The following TMEM161B variants were observed in gnomAD, a reference collection of about 807,000 sequenced individuals.
TMEM161B encodes transmembrane protein 161B.
A neutral mutation model predicts 61.8 loss-of-function variants in TMEM161B; 34 were observed. The ratio of observed to expected loss-of-function variants is 0.55; its 90% CI spans 0.42 to 0.73. The LOEUF is 0.73. Among genes scored for constraint, TMEM161B ranks in the 30% least tolerant of loss-of-function variants. TMEM161B has a pLI of 0.00. For missense variants in TMEM161B, 456 were observed against 558.5 expected, an observed-to-expected ratio of 0.82 and a Z score of 1.85; for synonymous variants, 167 against 192.8, an observed-to-expected ratio of 0.87 and a Z score of 1.11.
intron 1 of TMEM161B, among the ~76,000 whole-genome samples, chr5:88,244,699 A>G (rs902148731): frequency 6.7e-6 from 1 of 150,136 alleles, no homozygotes; most frequent in Non-Finnish European, 1.5e-5. Flanking sequence ...CAGTTTTGAT[A>G]GGAATAGCAC....
chr5:88,233,445 T>A (rs988845448), intron 2 of TMEM161B, among the ~76,000 whole-genome samples: 1 of 152,044 alleles, frequency 6.6e-6, no homozygotes, highest in African/African-American at 2.4e-5. Flanking sequence ...TAAAAGGCAA[T>A]GAGGCAAGAG....
chr5:88,268,823 GAA>G lies in TMEM161B; in HGVS notation c.-102_-101del, dbSNP rs962272595. 11 of 1,584,802 alleles carry G rather than the reference GAA, an allele frequency of 6.9e-6. No homozygotes were observed. In the African/African-American group the frequency reaches 1.1e-4, roughly 16 times the overall value. On this transcript the variant is annotated 5_prime_UTR_variant, in exon 1 of 12. Coordinates refer to ENST00000296595, the MANE Select transcript of TMEM161B (RefSeq NM_153354.5). ...TTGAGCCGAGAGACTCTCAAACAGCGAAAGAGAGGGTCTTCCGGCTCTGCCGG... is the reference window on the plus strand; with the variant it reads ...TTGAGCCGAGAGACTCTCAAACAGCGAGAGAGGGTCTTCCGGCTCTGCCGG...
At position 88,237,777 on chromosome 5, in the gene TMEM161B, A is replaced by G. The variant is rs146044242; in HGVS notation, c.107+3036T>C. Among the ~76,000 whole-genome samples the G allele has an allele frequency of 5.5e-4, 84 of 152,260 alleles. No individual in the cohort carries two copies. In the East Asian group the frequency reaches 0.01, roughly 19 times the overall value. On this transcript the variant is annotated intron_variant, in intron 2 of 11. Coordinates refer to ENST00000296595, the MANE Select transcript of TMEM161B (RefSeq NM_153354.5). ...GTCTAAAAAAAATACTAATAGCAAT[A>G]TGTGTTATTTAACAAGAGCTACAAA...
At chr5:88,189,789 G>A in exon 13 of TMEM161B, 1 of 393,722 alleles carries the variant, frequency 2.5e-6, no homozygotes, top group Non-Finnish European at 4.7e-6. Context: ...TGCTCTTTTA[G>A]AAGGGGTACA....
intron 6 of TMEM161B, among the ~76,000 whole-genome samples, chr5:88,206,746 C>T (rs1366169652): frequency 6.6e-6 from 1 of 151,892 alleles, no homozygotes; most frequent in Non-Finnish European, 1.5e-5. Flanking sequence ...TGCATTAATT[C>T]TTCAACTATA....
chr5:88,230,610 C>T (rs920754857), intron 2 of TMEM161B, among the ~76,000 whole-genome samples: 13 of 152,148 alleles, frequency 8.5e-5, no homozygotes, highest in African/African-American at 1.9e-4. Context: ...GACTAAGTGA[C>T]ATTTTCTTCC....
At chr5:88,200,672 G>A (rs1341247233) in intron 9 of TMEM161B, 1 of 152,070 alleles carries the variant, frequency 6.6e-6, no homozygotes, top group Non-Finnish European at 1.5e-5. Flanking sequence ...TGATCTGATA[G>A]AGTATCTCAA....
At chr5:88,216,634 C>T (rs535635291) in intron 5 of TMEM161B, among the ~76,000 whole-genome samples, 41 of 152,186 alleles carry the variant, frequency 2.7e-4, no homozygotes, top group African/African-American at 8.7e-4. Context: ...TAAATCAATC[C>T]AAAAGAGGCA....
chr5:88,192,980 A>G (rs1749112471), downstream of TMEM161B, among the ~76,000 whole-genome samples: 1 of 152,184 alleles, frequency 6.6e-6, no homozygotes, highest in Non-Finnish European at 1.5e-5. Flanking sequence ...CTTCTGAATC[A>G]TAACTGAGGA....
chr5:88,190,302 G>A (rs1240922044), downstream of TMEM161B: 1 of 699,468 alleles, frequency 1.4e-6, no homozygotes, highest in South Asian at 1.5e-5. Context: ...TTTTGGCAAA[G>A]GCTGACAAAT....
intron 5 of TMEM161B, among the ~76,000 whole-genome samples, chr5:88,208,186 C>T (rs996522239): frequency 6.6e-6 from 1 of 152,092 alleles, no homozygotes; most frequent in East Asian, 1.9e-4. Context: ...CCCGTCTCTA[C>T]TTAAAATACA....
chr5:88,234,581 G>A (rs1262919281), intron 2 of TMEM161B, among the ~76,000 whole-genome samples: 1 of 152,126 alleles, frequency 6.6e-6, no homozygotes, highest in Non-Finnish European at 1.5e-5. Context: ...TTGGTATTAA[G>A]TGGTATGTCT....
In TMEM161B at chr5:88,195,949, T is replaced by A; in HGVS notation, c.*262A>T. 1 of 1,203,038 alleles carries A rather than the reference T, an allele frequency of 8.3e-7. No homozygotes were observed. The highest frequency in any genetic ancestry group is 1.0e-6 in the Non-Finnish European group (1 of 966,082). The allele number at this position is 1,203,038 out of a possible 1,614,324, so 74.5% of individuals were successfully genotyped here. A position where few individuals can be genotyped will look rare whatever the true frequency, so the allele number is the denominator to read the frequency against. On this transcript the variant is annotated 3_prime_UTR_variant, in exon 12 of 12. Coordinates refer to ENST00000296595, the MANE Select transcript of TMEM161B (RefSeq NM_153354.5). ...AGGGTAATCAGAAATATTACCCTTG[T>A]AGATAGCCCTCTCATACCAGTAAAT...
rs542218839 is a variant in TMEM161B at position 88,219,029 on chromosome 5, G to A, written c.446+1534C>T. On this transcript the variant is annotated intron_variant, in intron 5 of 11. Coordinates refer to ENST00000296595, the MANE Select transcript of TMEM161B (RefSeq NM_153354.5). ...AGAAGATGACAATCAGTGATACCAG[G>A]GGCATAGGTGCACATCAGGTGGGAA... Among the ~76,000 whole-genome samples the A allele has an allele frequency of 1.6e-4, 25 of 152,196 alleles. No homozygotes were observed. In the South Asian group the frequency reaches 5.0e-3, roughly 30 times the overall value.
chr5:88,209,212 C>T (rs1482088467), intron 5 of TMEM161B, among the ~76,000 whole-genome samples: 2 of 152,070 alleles, frequency 1.3e-5, no homozygotes, highest in Non-Finnish European at 2.9e-5. Flanking sequence ...TAGAAGAGGA[C>T]AAAGAAAGAT....
intron 1 of TMEM161B, among the ~76,000 whole-genome samples, chr5:88,264,468 C>T (rs745758987): frequency 6.6e-6 from 1 of 152,138 alleles, no homozygotes; most frequent in Non-Finnish European, 1.5e-5. Flanking sequence ...AATAGGAACG[C>T]TTTTACACTG....
chr5:88,189,856 G>C (rs1342413581), exon 13 of TMEM161B: 3 of 564,348 alleles, frequency 5.3e-6, no homozygotes. Flanking sequence ...CCTTTTTCCT[G>C]ACATACTTTC....
chr5:88,260,759 T>C (rs4916716), intron 1 of TMEM161B, among the ~76,000 whole-genome samples: 4,970 of 152,288 alleles, frequency 0.033, 322 homozygotes, highest in East Asian at 0.16. Context: ...TTTTTAGAAA[T>C]AGCAGCATAC....
intron 4 of TMEM161B, among the ~76,000 whole-genome samples, chr5:88,225,296 G>GT (rs1342548596): frequency 1.3e-5 from 2 of 152,032 alleles, no homozygotes; most frequent in African/African-American, 4.8e-5. Context: ...TATGTTATTG[G>GT]TAAGTCTTCT....
Sources: allele counts gnomAD v4.1 joint callset (sites outside exome capture counted in the v4.1 genomes callset), GRCh38; gene constraint gnomAD v4.1.1; transcripts MANE v1.5; gene names NCBI Gene and HGNC (gene_info 2026-07-23, HGNC 2026-07-21).